The following ASCC3 variants were observed in gnomAD, a reference collection of about 807,000 sequenced individuals.
The protein encoded by ASCC3 is activating signal cointegrator 1 complex subunit 3, also known as ASC-1 complex subunit P200.
A neutral mutation model predicts 256.3 loss-of-function variants in ASCC3; 158 were observed. The observed-to-expected ratio is 0.62, with a 90% CI of 0.54 to 0.70. ASCC3 has a LOEUF of 0.70. Among genes scored for constraint, ASCC3 ranks in the 30% least tolerant of loss-of-function variants. The pLI is 0.00. For synonymous variants in ASCC3, 948 were observed against 883.4 expected (o/e 1.07, Z -1.30); for missense variants, 2,259 against 2,626.0 (o/e 0.86, Z 3.05).
At chr6:100,797,207 TG>T (rs1490997206) in intron 8 of ASCC3, among the ~76,000 whole-genome samples, 2 of 152,102 alleles carry the variant, frequency 1.3e-5, no homozygotes, top group Admixed American at 1.3e-4. Flanking sequence ...CTCAGCACTT[TG>T]GGAGGCCGAG....
intron 38 of ASCC3, among the ~76,000 whole-genome samples, chr6:100,517,439 T>C (rs538296529): frequency 3.3e-5 from 5 of 152,272 alleles, no homozygotes; most frequent in African/African-American, 1.2e-4. Context: ...CTGCTTGTAT[T>C]AGACACTGTT....
intron 5 of ASCC3, among the ~76,000 whole-genome samples, chr6:100,802,055 T>C (rs1343304997): frequency 1.3e-5 from 2 of 150,774 alleles, no homozygotes; most frequent in African/African-American, 4.9e-5. Flanking sequence ...AAATTAAAAT[T>C]ATAAGAAGAA....
At chr6:100,654,744 A>G (rs1039063888) in intron 17 of ASCC3, among the ~76,000 whole-genome samples, 3 of 152,032 alleles carry the variant, frequency 2.0e-5, no homozygotes, top group African/African-American at 7.2e-5. Flanking sequence ...TAAAAACCTA[A>G]TAACGGCTTT....
chr6:100,640,091 G>T (rs1775045168), intron 24 of ASCC3, among the ~76,000 whole-genome samples: 1 of 151,826 alleles, frequency 6.6e-6, no homozygotes, highest in Admixed American at 6.6e-5. Context: ...CTTCAGCCTG[G>T]GTGAAAGAGT....
intron 11 of ASCC3, among the ~76,000 whole-genome samples, chr6:100,720,462 T>C (rs1779275750): frequency 6.6e-6 from 1 of 151,894 alleles, no homozygotes; most frequent in African/African-American, 2.4e-5. Context: ...AGGCATTACA[T>C]AATTTGGCAT....
chr6:100,797,073 A>G (rs1769653757), intron 8 of ASCC3, among the ~76,000 whole-genome samples: 1 of 152,222 alleles, frequency 6.6e-6, no homozygotes, highest in Admixed American at 6.5e-5. Flanking sequence ...GTACTTATTT[A>G]GAAATAAGTA....
At chr6:100,655,899 G>A (rs1775892558) in intron 16 of ASCC3, 81 bp from the exon 17 acceptor site, 9 of 1,523,140 alleles carry the variant, frequency 5.9e-6, no homozygotes, top group Admixed American at 1.7e-5. Flanking sequence ...TGTCAGAGGT[G>A]AAGTTTTAAA....
At chr6:100,680,311 G>T (rs756322580) in intron 13 of ASCC3, among the ~76,000 whole-genome samples, 6 of 152,120 alleles carry the variant, frequency 3.9e-5, no homozygotes, top group Non-Finnish European at 7.4e-5. Flanking sequence ...ATCTGAACTA[G>T]GGGGAAGGTG....
rs78385401 is a variant in ASCC3, at chr6:100,719,374, C to T, written c.1903-1123G>A. Among the ~76,000 whole-genome samples, 1,946 of 151,936 alleles carry T rather than the reference C, an allele frequency of 0.013. 100 individuals are homozygous for T. In the East Asian group the frequency reaches 0.15, roughly 11 times the overall value. Reference sequence around the variant, plus strand: ...CTTTCACAACATACAGTAATTAGAACGATTAATTATCCCACAGTTCTATGT... The same window carrying T: ...CTTTCACAACATACAGTAATTAGAATGATTAATTATCCCACAGTTCTATGT... On this transcript the variant is annotated intron_variant, in intron 11 of 41. Transcript: ENST00000369162.
At chr6:100,511,400 A>G (rs1299067406) in intron 40 of ASCC3, among the ~76,000 whole-genome samples, 6 of 152,172 alleles carry the variant, frequency 3.9e-5, no homozygotes, top group Non-Finnish European at 4.4e-5. Flanking sequence ...CCTGGATAAC[A>G]TAAGTGAAAT....
chr6:100,871,202 T>A (rs1773724618), intron 1 of ASCC3, among the ~76,000 whole-genome samples: 1 of 151,982 alleles, frequency 6.6e-6, no homozygotes, highest in African/African-American at 2.4e-5. Context: ...TTCAAGCAAT[T>A]CTCCTGCCTC....
At chr6:100,760,644 G>C (rs939613458) in intron 10 of ASCC3, among the ~76,000 whole-genome samples, 8 of 152,100 alleles carry the variant, frequency 5.3e-5, no homozygotes, top group Admixed American at 5.2e-4. Flanking sequence ...TAGTTTTAAA[G>C]CCTAATAGAA....
intron 11 of ASCC3, among the ~76,000 whole-genome samples, chr6:100,720,158 G>A (rs1264796810): frequency 6.6e-6 from 1 of 151,944 alleles, no homozygotes; most frequent in Admixed American, 6.6e-5. Flanking sequence ...TATGAGCACT[G>A]TACTAATACT....
chr6:100,727,499 T>A (rs1404934339), intron 10 of ASCC3, among the ~76,000 whole-genome samples: 1 of 151,930 alleles, frequency 6.6e-6, no homozygotes, highest in Non-Finnish European at 1.5e-5. Flanking sequence ...ATTGAATTAA[T>A]CTAATGCTCC....
intron 36 of ASCC3, among the ~76,000 whole-genome samples, chr6:100,585,302 C>G (rs1771587327): frequency 6.6e-6 from 1 of 152,064 alleles, no homozygotes; most frequent in African/African-American, 2.4e-5. Context: ...TTTCTCTAAA[C>G]TTCCCTTCTC....
chr6:100,723,860 TTA>T (rs58924032), intron 11 of ASCC3, among the ~76,000 whole-genome samples: 11,494 of 109,388 alleles, frequency 0.11, 572 homozygotes, highest in Non-Finnish European at 0.13. Flanking sequence ...TATTAGGGAA[TTA>T]TATATATATA....
At chr6:100,784,513 T>C (rs146615902) in intron 8 of ASCC3, among the ~76,000 whole-genome samples, 253 of 152,140 alleles carry the variant, frequency 1.7e-3, no homozygotes, top group Middle Eastern at 3.4e-3. Context: ...AAATAGGGTA[T>C]TGGAGTAAGT....
At chr6:100,690,341 C>A (rs374662297) in intron 13 of ASCC3, among the ~76,000 whole-genome samples, 3 of 151,972 alleles carry the variant, frequency 2.0e-5, no homozygotes, top group East Asian at 3.9e-4. Flanking sequence ...GTTGTTGAAT[C>A]CACAAATGTA....
At chr6:100,745,939 A>G (rs189614428) in intron 10 of ASCC3, among the ~76,000 whole-genome samples, 17 of 152,070 alleles carry the variant, frequency 1.1e-4, no homozygotes, top group African/African-American at 3.6e-4. Flanking sequence ...TTTCTTTTAG[A>G]TATATATCTA....
Sources: allele counts gnomAD v4.1 joint callset (sites outside exome capture counted in the v4.1 genomes callset), GRCh38; gene constraint gnomAD v4.1.1; transcripts MANE v1.5; gene names NCBI Gene and HGNC (gene_info 2026-07-23, HGNC 2026-07-21).